Variants in ADAM19 observed in about 807,000 individuals in gnomAD.
ADAM19 encodes the protein disintegrin and metalloproteinase domain-containing protein 19.
In ADAM19, 65 loss-of-function variants were observed where a neutral mutation model predicts 114.7. The observed-to-expected ratio is 0.57, with a 90% CI of 0.46 to 0.70. ADAM19 has a LOEUF of 0.70. Ranked by LOEUF, ADAM19 falls within the 30% of genes least tolerant of loss-of-function variation. ADAM19 has a pLI of 0.00. For synonymous variants in ADAM19, 466 were observed against 460.5 expected (o/e 1.01, Z -0.15); for missense variants, 1,063 against 1,204.7 (o/e 0.88, Z 1.74).
chr5:157,495,860 C>T (rs1437711361), intron 14 of ADAM19, among the ~76,000 whole-genome samples: 1 of 151,642 alleles, frequency 6.6e-6, no homozygotes, highest in Non-Finnish European at 1.5e-5. Context: ...TCTTGAACTC[C>T]TGACCTCAGG....
chr5:157,567,938 CCCCT>C (rs1757713117), intron 2 of ADAM19: 1 of 152,106 alleles, frequency 6.6e-6, no homozygotes, highest in Admixed American at 6.6e-5. Context: ...GCACTATCTT[CCCCT>C]CCCCCAAAGA....
chr5:157,517,991 G>A (rs1324803121), intron 7 of ADAM19, among the ~76,000 whole-genome samples: 1 of 152,160 alleles, frequency 6.6e-6, no homozygotes, highest in African/African-American at 2.4e-5. Context: ...CTTACACAAG[G>A]GTGCTGCTGA....
At chr5:157,550,787 G>A (rs1340886680) in intron 3 of ADAM19, among the ~76,000 whole-genome samples, 1 of 151,994 alleles carries the variant, frequency 6.6e-6, no homozygotes, top group African/African-American at 2.4e-5. Context: ...CTCTCAACAA[G>A]GGCAGTGAGA....
chr5:157,519,767 C>G (rs1274244262), intron 6 of ADAM19, 72 bp downstream of exon 6: 5 of 1,406,602 alleles, frequency 3.6e-6, no homozygotes, highest in African/African-American at 1.4e-5. Context: ...CTCCTGGATT[C>G]AAAGTAAGCA....
chr5:157,504,184 T>C (rs1452870417), intron 11 of ADAM19, among the ~76,000 whole-genome samples: 1 of 152,232 alleles, frequency 6.6e-6, no homozygotes, highest in Non-Finnish European at 1.5e-5. Context: ...GGGGTGAGCT[T>C]AACCATGAGC....
At chr5:157,485,514 G>T (rs1048988902) in intron 21 of ADAM19, among the ~76,000 whole-genome samples, 1 of 152,172 alleles carries the variant, frequency 6.6e-6, no homozygotes, top group Non-Finnish European at 1.5e-5. Flanking sequence ...ACAGAAAATT[G>T]CATCATGTCA....
chr5:157,490,192 T>C (rs1755101781), intron 19 of ADAM19, 118 bp downstream of exon 19: 3 of 1,148,196 alleles, frequency 2.6e-6, no homozygotes, highest in Non-Finnish European at 3.8e-6. Context: ...AGCATGTATC[T>C]TGCACTTGTC....
At chr5:157,508,789 A>G (rs1755824429) in intron 9 of ADAM19, among the ~76,000 whole-genome samples, 1 of 152,016 alleles carries the variant, frequency 6.6e-6, no homozygotes, top group African/African-American at 2.4e-5. Context: ...TCCCTCCTCA[A>G]TGTCTCCCTC....
chr5:157,479,483 G>C lies in ADAM19; in HGVS notation c.*1466C>G. On this transcript the variant is annotated 3_prime_UTR_variant, in exon 23 of 23. Coordinates refer to ENST00000257527, the MANE Select transcript of ADAM19 (RefSeq NM_033274.5). ...AGCCACCCAGCACCTTTGTGGAGTG[G>C]GAGTCTATCTCCCAGCAAACATCTC... The C allele has an allele frequency of 1.0e-6, 1 of 985,832 alleles. No individual in the cohort carries two copies. The highest frequency in any genetic ancestry group is 4.7e-5 in the South Asian group (1 of 21,282). 61.1% of individuals were successfully genotyped at this position (985,832 alleles called of 1,614,324 possible).
intron 21 of ADAM19, among the ~76,000 whole-genome samples, chr5:157,485,884 A>G (rs751892670): frequency 4.6e-5 from 7 of 152,220 alleles, no homozygotes; most frequent in Non-Finnish European, 1.0e-4. Flanking sequence ...CCTTCACAGC[A>G]CATATCACTG....
In ADAM19 at chr5:157,519,008, T is replaced by C. The variant is rs182945147; in HGVS notation, c.601-120A>G. 6.0e-6 allele frequency: 5 copies of C among 827,248 alleles called. No homozygotes were observed. In the East Asian group the frequency reaches 1.3e-4, roughly 21 times the overall value. The allele number at this position is 827,248 out of a possible 1,614,324, so 51.2% of individuals were successfully genotyped here. On this transcript the variant is annotated intron_variant, in intron 6 of 22. Transcript: ENST00000257527. ...GCTACCTCCGTAATGATTTTGTCAT[T>C]CGGCACTAGAGATGTTCTTGGCTGT...
chr5:157,489,167 G>C lies in ADAM19; in HGVS notation c.2260C>G (p.Gln754Glu). Reference sequence around the variant, plus strand: ...TTGGCATGACCAGTCCCGCTGTTCTGAGAAACCCTGAAGGGACAACTAGAA... The same window carrying C: ...TTGGCATGACCAGTCCCGCTGTTCTCAGAAACCCTGAAGGGACAACTAGAA... ...QQFSCPFRVS[Q>E]NSGTGHANPT... is the part of the protein sequence containing the mutation. Residue 754 changes from glutamine (Q) to glutamate (E), a missense_variant, in exon 20 of 23, where the codon CAG (glutamine) becomes GAG (glutamate). By Grantham distance (29) the Gln-to-Glu change is conservative. This residue lies in a region of ADAM19 where 424 missense variants were observed against 445.5 expected (regional missense o/e 0.95). Coordinates refer to ENST00000257527, the MANE Select transcript of ADAM19 (RefSeq NM_033274.5). 6.2e-7 allele frequency: 1 copy of C among 1,613,942 alleles called. No individual in the cohort carries two copies. The highest frequency in any genetic ancestry group is 8.5e-7 in the Non-Finnish European group (1 of 1,179,840).
chr5:157,514,746 T>C (rs1054199999), intron 7 of ADAM19, among the ~76,000 whole-genome samples: 2 of 152,168 alleles, frequency 1.3e-5, no homozygotes, highest in Admixed American at 6.5e-5. Flanking sequence ...CATTCCTGCC[T>C]CAAAAAGATA....
chr5:157,539,580 G>A (rs374497135), intron 3 of ADAM19, among the ~76,000 whole-genome samples: 9 of 152,070 alleles, frequency 5.9e-5, no homozygotes, highest in East Asian at 3.8e-4. Flanking sequence ...TCAACTTCTC[G>A]CCTTGGACAA....
intron 1 of ADAM19, among the ~76,000 whole-genome samples, chr5:157,573,396 C>CTA (rs1285285534): frequency 2.0e-5 from 3 of 152,248 alleles, no homozygotes; most frequent in African/African-American, 4.8e-5. Flanking sequence ...GTTATATAAT[C>CTA]TATATATATC....
At chr5:157,517,262 T>C (rs894822169) in intron 7 of ADAM19, among the ~76,000 whole-genome samples, 3 of 152,140 alleles carry the variant, frequency 2.0e-5, no homozygotes, top group Admixed American at 6.5e-5. Context: ...AATGAGCTCT[T>C]TGGGAAGATG....
chr5:157,481,337 A>T (rs925076674), intron 22 of ADAM19: 2 of 573,996 alleles, frequency 3.5e-6, no homozygotes, highest in Admixed American at 6.3e-5. Flanking sequence ...CCTGACTGCC[A>T]AGACTGGCAA....
chr5:157,498,688 G>GTA (rs55867903), intron 13 of ADAM19, among the ~76,000 whole-genome samples: 32,374 of 143,674 alleles, frequency 0.23, 3,574 homozygotes, highest in Middle Eastern at 0.3. Flanking sequence ...ATGTGTGTAT[G>GTA]TATATATATA....
Position 157,488,269 on chromosome 5 carries a change from G to T in ADAM19, c.2546C>A (p.Ser849Tyr). Residue 849 changes from serine to tyrosine, a missense_variant, in exon 21 of 23, where the codon TCC (serine) becomes TAC (tyrosine). Ser to Tyr is a moderately radical substitution (Grantham distance 144). This residue lies in a region of ADAM19 where 424 missense variants were observed against 445.5 expected (regional missense o/e 0.95). Coordinates refer to ENST00000257527, the MANE Select transcript of ADAM19 (RefSeq NM_033274.5). ...GGTTGCTGATTATCCACTTACCTGG[G>T]AAACGATGCAATTTGGTGCGGGGGG... ...PIPPAPNCIV[S>Y]QDFSRPRPPQ... The T allele has an allele frequency of 1.9e-6, 3 of 1,612,136 alleles. No homozygotes were observed. Among genetic ancestry groups the T allele is most frequent in the Non-Finnish European group, 2.5e-6 (3 of 1,178,330 alleles).
Sources: allele counts gnomAD v4.1 joint callset (sites outside exome capture counted in the v4.1 genomes callset), GRCh38; gene constraint gnomAD v4.1.1; regional missense constraint gnomAD v4.1.1; transcripts MANE v1.5; gene names NCBI Gene and HGNC (gene_info 2026-07-23, HGNC 2026-07-21).